Variants in GLG1 observed in about 807,000 individuals in gnomAD.
GLG1 encodes the protein golgi glycoprotein 1, also known as Golgi apparatus protein 1.
A neutral mutation model predicts 160.5 loss-of-function variants in GLG1; 38 were observed. That is an observed-to-expected ratio of 0.24 (90% CI 0.18 to 0.31). The LOEUF (loss-of-function observed/expected upper bound fraction) is 0.31, where lower values mean the gene tolerates loss of function less well. Ranked by LOEUF, GLG1 falls within the 10% of genes least tolerant of loss-of-function variation. GLG1 has a pLI of 1.00. For synonymous variants in GLG1, 644 were observed against 543.4 expected, an observed-to-expected ratio of 1.19 and a Z score of -2.57; for missense variants, 1,373 against 1,505.2, an observed-to-expected ratio of 0.91 and a Z score of 1.45.
At chr16:74,553,815 A>C (rs1190210282) in intron 1 of GLG1, among the ~76,000 whole-genome samples, 1 of 152,160 alleles carries the variant, frequency 6.6e-6, no homozygotes, top group Non-Finnish European at 1.5e-5. Flanking sequence ...TAGCAGTTGC[A>C]ACTTCAGTTA....
chr16:74,552,258 T>C (rs920909499), intron 1 of GLG1: 18 of 562,894 alleles, frequency 3.2e-5, no homozygotes, highest in African/African-American at 7.6e-5. Flanking sequence ...AAGATGCTGA[T>C]GCCTAAGAAG....
In GLG1 at chr16:74,603,263, A is replaced by G. The variant is rs140664243; in HGVS notation, c.438+3394T>C. On this transcript the variant is annotated intron_variant, in intron 1 of 25. Coordinates refer to ENST00000422840, the MANE Select transcript of GLG1 (RefSeq NM_001145667.2). ...TGTCTCTACTAAAAATACAAAAATT[A>G]GCTGGGCGAGGTGGTGCGTGCCTGT... is the stretch of plus-strand genomic sequence containing the variant. 3.1e-3 allele frequency among the ~76,000 whole-genome samples: 466 copies of G among 152,024 alleles called. 3 individuals are homozygous for G. The highest frequency in any genetic ancestry group is 5.7e-3 in the Non-Finnish European group (388 of 68,006).
rs916689244 is a variant in GLG1 at position 74,450,985 on chromosome 16, C to T, written c.*2182G>A. ...ACAATTAGAACTATAAGGGTGTTTA[C>T]GCATACTGGGAAGGAGACTGCAGAG... On this transcript the variant is annotated 3_prime_UTR_variant, in exon 26 of 26. Transcript: ENST00000422840. 3.3e-5 allele frequency: 5 copies of T among 152,142 alleles called. No individual in the cohort carries two copies. The highest frequency in any genetic ancestry group is 1.9e-4 in the East Asian group (1 of 5,196). 9.4% of individuals were successfully genotyped at this position (152,142 alleles called of 1,614,324 possible). A position where few individuals can be genotyped will look rare whatever the true frequency, so the allele number is the denominator to read the frequency against.
intron 1 of GLG1, among the ~76,000 whole-genome samples, chr16:74,564,501 G>C (rs559703833): frequency 6.6e-6 from 1 of 152,168 alleles, no homozygotes; most frequent in Non-Finnish European, 1.5e-5. Context: ...ATCTATGTAA[G>C]TTCAAATGGT....
chr16:74,479,261 A>C (rs574802961), intron 11 of GLG1, among the ~76,000 whole-genome samples: 4 of 148,820 alleles, frequency 2.7e-5, no homozygotes, highest in African/African-American at 9.8e-5. Flanking sequence ...AAAAAAGGTT[A>C]ATTTTATGTT....
intron 1 of GLG1, among the ~76,000 whole-genome samples, chr16:74,547,933 G>GTTGT (rs369912384): frequency 3.3e-5 from 5 of 152,334 alleles, no homozygotes; most frequent in South Asian, 4.1e-4. Flanking sequence ...AAAATCCAAA[G>GTTGT]TTGTTTGTTT....
chr16:74,594,199 G>GC, intron 1 of GLG1, among the ~76,000 whole-genome samples: 1 of 152,226 alleles, frequency 6.6e-6, no homozygotes, highest in African/African-American at 2.4e-5. Context: ...GAGCCACTGC[G>GC]CCCAGCCTAT....
At chr16:74,575,149 A>C (rs987006496) in intron 1 of GLG1, among the ~76,000 whole-genome samples, 1 of 150,920 alleles carries the variant, frequency 6.6e-6, no homozygotes, top group African/African-American at 2.4e-5. Context: ...CAGGAGGCTG[A>C]GGCAGGGAAT....
At position 74,452,255 on chromosome 16, in the gene GLG1, A is replaced by G. The variant is rs566587840; in HGVS notation, c.*912T>C. 2.7e-6 allele frequency: 4 copies of G among 1,503,970 alleles called. No individual in the cohort carries two copies. In the African/African-American group the frequency reaches 4.1e-5, roughly 16 times the overall value. 93.2% of individuals were successfully genotyped at this position (1,503,970 alleles called of 1,614,324 possible). A position where few individuals can be genotyped will look rare whatever the true frequency, so the allele number is the denominator to read the frequency against. On this transcript the variant is annotated 3_prime_UTR_variant, in exon 26 of 26. Transcript: ENST00000422840. ...CCTCCTGATGAAGCGCAGAGCTTCC[A>G]GAGTGACTGTAGCCTCAGCAGGGCC...
Position 74,477,375 on chromosome 16 carries a change from A to T in GLG1, c.1965+21T>A, listed in dbSNP as rs752766025. ...TAACATCATCATTATTGTAAGACAA[A>T]CAGAAAGCGATGTCACCTACCTGTC... On this transcript the variant is annotated intron_variant, in intron 12 of 25. Transcript: ENST00000422840. 1.9e-6 allele frequency: 3 copies of T among 1,586,200 alleles called. No individual in the cohort carries two copies. The South Asian group carries it at 3.3e-5, about 18-fold the overall frequency.
At position 74,452,957 on chromosome 16, in the gene GLG1, C is replaced by T. The variant is rs149649987; in HGVS notation, c.*210G>A. On this transcript the variant is annotated 3_prime_UTR_variant, in exon 26 of 26. Transcript: ENST00000422840. ...TGCCAAACAAAGGCAGTAACCCCAG[C>T]GACCAGCTGCTGCTGCTGCACGGTG... 173 of 1,258,130 alleles carry T rather than the reference C, an allele frequency of 1.4e-4. 1 individual carries two copies. Among genetic ancestry groups the T allele is most frequent in the Non-Finnish European group, 1.7e-4 (170 of 1,001,486 alleles). The allele number at this position is 1,258,130 out of a possible 1,614,324, so 77.9% of individuals were successfully genotyped here.
chr16:74,494,685 G>GTGTAA (rs2016123039), intron 6 of GLG1, 75 bp downstream of exon 6: 5 of 693,086 alleles, frequency 7.2e-6, no homozygotes, highest in Admixed American at 5.8e-5. Flanking sequence ...GATTACAGGC[G>GTGTAA]TGAGCCACCG....
At chr16:74,531,206 A>C (rs1042263569) in intron 2 of GLG1, among the ~76,000 whole-genome samples, 1 of 152,080 alleles carries the variant, frequency 6.6e-6, no homozygotes, top group Non-Finnish European at 1.5e-5. Context: ...CTAAATAGCC[A>C]ATCTGTCTCT....
At chr16:74,519,429 C>A (rs1192045632) in intron 2 of GLG1, among the ~76,000 whole-genome samples, 1 of 151,740 alleles carries the variant, frequency 6.6e-6, no homozygotes, top group Non-Finnish European at 1.5e-5. Context: ...CACATGTATA[C>A]CTATGTAACA....
intron 1 of GLG1, among the ~76,000 whole-genome samples, chr16:74,602,541 T>C (rs1260334323): frequency 1.3e-5 from 2 of 152,292 alleles, no homozygotes; most frequent in East Asian, 3.9e-4. Flanking sequence ...CCCAGCACTT[T>C]GGGAGGCCGA....
intron 2 of GLG1, among the ~76,000 whole-genome samples, chr16:74,513,426 G>A (rs1267467984): frequency 6.6e-6 from 1 of 152,086 alleles, no homozygotes; most frequent in Non-Finnish European, 1.5e-5. Flanking sequence ...TGCCCCTCTG[G>A]GACGAAGCTT....
At chr16:74,515,824 CAT>C (rs1366205990) in intron 2 of GLG1, among the ~76,000 whole-genome samples, 1 of 151,480 alleles carries the variant, frequency 6.6e-6, no homozygotes. Context: ...CAGAGACACA[CAT>C]AGTCTCAAAA....
chr16:74,527,242 G>GCTC (rs2017365151), intron 2 of GLG1, among the ~76,000 whole-genome samples: 1 of 99,894 alleles, frequency 1.0e-5, no homozygotes, highest in Non-Finnish European at 2.2e-5. Context: ...GCTTAAGTCA[G>GCTC]TTCTTTTTTT....
chr16:74,530,282 T>C (rs148917271), intron 2 of GLG1, among the ~76,000 whole-genome samples: 311 of 152,344 alleles, frequency 2.0e-3, no homozygotes, highest in African/African-American at 7.1e-3. Context: ...CATAAATTCA[T>C]AGAAGTAGAA....
Sources: gnomAD v4.1 joint callset for allele counts (sites outside exome capture counted in the v4.1 genomes callset) on GRCh38, gnomAD v4.1.1 for gene constraint, MANE v1.5 for transcripts, NCBI Gene and HGNC (gene_info 2026-07-23, HGNC 2026-07-21) for gene names.